Variants in DCDC2 observed in about 807,000 individuals in gnomAD.
The protein encoded by DCDC2 is doublecortin domain-containing protein 2.
A neutral mutation model predicts 50.2 loss-of-function variants in DCDC2; 40 were observed. That is an observed-to-expected ratio of 0.80 (90% CI 0.62 to 1.04). The LOEUF (loss-of-function observed/expected upper bound fraction) is 1.04, where lower values mean the gene tolerates loss of function less well. DCDC2 is among the 50% of genes least tolerant of loss of function. DCDC2 has a pLI of 0.00. For synonymous variants in DCDC2, 234 were observed against 210.6 expected, an observed-to-expected ratio of 1.11 and a Z score of -0.96; for missense variants, 570 against 581.9, an observed-to-expected ratio of 0.98 and a Z score of 0.21.
chr6:24,229,502 G>A (rs1359013203), intron 7 of DCDC2, among the ~76,000 whole-genome samples: 1 of 152,052 alleles, frequency 6.6e-6, no homozygotes, highest in East Asian at 1.9e-4. Flanking sequence ...TTTATCCACA[G>A]ATCCTGGTTT....
intron 2 of DCDC2, among the ~76,000 whole-genome samples, chr6:24,320,790 A>G (rs1759760379): frequency 6.6e-6 from 1 of 152,138 alleles, no homozygotes; most frequent in East Asian, 1.9e-4. Context: ...TGAAACCTCA[A>G]TAGCAAGAAG....
the DCDC2 span, chr6:24,365,728 C>A: frequency 6.6e-6 from 1 of 151,296 alleles, no homozygotes; most frequent in East Asian, 1.9e-4. Flanking sequence ...GGATGACATG[C>A]AAATAAATGA....
intron 1 of DCDC2, among the ~76,000 whole-genome samples, chr6:24,355,109 C>T (rs567925997): frequency 1.6e-4 from 24 of 152,276 alleles, no homozygotes; most frequent in African/African-American, 5.1e-4. Flanking sequence ...ACCGTAGATA[C>T]TACTTCTTTA....
intron 7 of DCDC2, among the ~76,000 whole-genome samples, chr6:24,212,172 G>A (rs1561892436): frequency 6.6e-6 from 1 of 152,104 alleles, no homozygotes; most frequent in Admixed American, 6.5e-5. Context: ...CATGATCTGA[G>A]GTGGAACAGT....
chr6:24,292,266 T>C (rs1040458957), intron 4 of DCDC2, among the ~76,000 whole-genome samples: 3 of 152,076 alleles, frequency 2.0e-5, no homozygotes, highest in Admixed American at 6.5e-5. Context: ...TATTAATAAA[T>C]GGAAGGATTT....
intron 7 of DCDC2, among the ~76,000 whole-genome samples, chr6:24,253,174 T>C (rs1055694378): frequency 6.6e-6 from 1 of 151,680 alleles, no homozygotes; most frequent in Admixed American, 6.6e-5. Context: ...AGAAAGGAAA[T>C]AAATATAAGG....
intron 6 of DCDC2, among the ~76,000 whole-genome samples, chr6:24,286,954 C>T (rs1763624835): frequency 6.6e-6 from 1 of 152,212 alleles, no homozygotes; most frequent in South Asian, 2.1e-4. Flanking sequence ...CCTTTCCCCT[C>T]ATACCAAGAT....
At chr6:24,256,097 T>C (rs1009718215) in intron 7 of DCDC2, among the ~76,000 whole-genome samples, 4 of 152,142 alleles carry the variant, frequency 2.6e-5, no homozygotes, top group African/African-American at 9.6e-5. Flanking sequence ...AATAGAAGAA[T>C]AACTTCCAGT....
intron 7 of DCDC2, among the ~76,000 whole-genome samples, chr6:24,245,209 T>C (rs1251584144): frequency 2.0e-5 from 3 of 152,102 alleles, no homozygotes; most frequent in Non-Finnish European, 4.4e-5. Context: ...GTTTTATTCA[T>C]AGCTGAGCTC....
intron 7 of DCDC2, among the ~76,000 whole-genome samples, chr6:24,272,429 G>C (rs1244270195): frequency 6.6e-6 from 1 of 152,100 alleles, no homozygotes; most frequent in African/African-American, 2.4e-5. Flanking sequence ...CATTGAGATG[G>C]GAAGTTGTGA....
chr6:24,181,817 C>G lies in DCDC2; in HGVS notation c.1024-3185G>C, dbSNP rs147706814. ...TTTTTACGGAAATAGAAAAACCCAT[C>G]CTATAAGTCATATGGAATCTCAAGG... is the stretch of plus-strand genomic sequence containing the variant. On this transcript the variant is annotated intron_variant, in intron 8 of 9. Coordinates refer to ENST00000378454, the MANE Select transcript of DCDC2 (RefSeq NM_016356.5). 8.1e-3 allele frequency among the ~76,000 whole-genome samples: 1,236 copies of G among 152,226 alleles called. 16 individuals carry two copies. The highest frequency in any genetic ancestry group is 0.028 in the African/African-American group (1,180 of 41,536).
At chr6:24,353,310 G>A (rs997066569) in intron 2 of DCDC2, 10 of 528,152 alleles carry the variant, frequency 1.9e-5, no homozygotes, top group Non-Finnish European at 3.4e-5. Flanking sequence ...TTCAATCAGA[G>A]AACATGTAGC....
In DCDC2 at chr6:24,357,828, C is replaced by T; in HGVS notation, c.-78G>A. On this transcript the variant is annotated 5_prime_UTR_variant, in exon 1 of 10. Coordinates refer to ENST00000378454, the MANE Select transcript of DCDC2 (RefSeq NM_016356.5). ...CGCTGTCCCAGCGGCCTCACCGCAC[C>T]CAGGGCGCGGGATCGCCTCCTGAAA... is the stretch of plus-strand genomic sequence containing the variant. 6.2e-7 allele frequency: 1 copy of T among 1,602,338 alleles called. No individual in the cohort carries two copies. The highest frequency in any genetic ancestry group is 1.1e-5 in the South Asian group (1 of 90,020).
chr6:24,299,420 C>G (rs561217884), intron 4 of DCDC2, among the ~76,000 whole-genome samples: 2 of 152,282 alleles, frequency 1.3e-5, no homozygotes, highest in African/African-American at 2.4e-5. Context: ...CCCGAAATCT[C>G]AGCATCATGC....
chr6:24,292,184 G>A (rs1204765442), intron 4 of DCDC2, among the ~76,000 whole-genome samples: 2 of 152,036 alleles, frequency 1.3e-5, no homozygotes, highest in Admixed American at 1.3e-4. Flanking sequence ...TTTTTTTAAA[G>A]AACAGGAAAA....
At chr6:24,247,131 C>G (rs1020006451) in intron 7 of DCDC2, among the ~76,000 whole-genome samples, 1 of 151,996 alleles carries the variant, frequency 6.6e-6, no homozygotes, top group Non-Finnish European at 1.5e-5. Flanking sequence ...ATATCTCCAG[C>G]CAGTACCCAC....
chr6:24,186,352 G>A (rs1018583586), intron 8 of DCDC2, among the ~76,000 whole-genome samples: 4 of 152,204 alleles, frequency 2.6e-5, no homozygotes, highest in Non-Finnish European at 5.9e-5. Context: ...GTGGGCAGAT[G>A]TGATTATTAT....
chr6:24,272,059 T>C (rs1292028027), intron 7 of DCDC2, among the ~76,000 whole-genome samples: 4 of 152,110 alleles, frequency 2.6e-5, no homozygotes, highest in Non-Finnish European at 5.9e-5. Context: ...GTGAACAAAG[T>C]GTTTAAGAGG....
chr6:24,368,707 A>G, the DCDC2 span, among the ~76,000 whole-genome samples: 1 of 152,164 alleles, frequency 6.6e-6, no homozygotes, highest in Non-Finnish European at 1.5e-5. Context: ...AAATTGACGA[A>G]TGATAGTCTG....
Sources: allele counts gnomAD v4.1 joint callset (sites outside exome capture counted in the v4.1 genomes callset), GRCh38; gene constraint gnomAD v4.1.1; transcripts MANE v1.5; gene names NCBI Gene and HGNC (gene_info 2026-07-23, HGNC 2026-07-21).